Variants in PCDHAC2 observed in about 807,000 individuals in gnomAD.
The protein encoded by PCDHAC2 is protocadherin alpha-C2.
PCDHAC2 carries 24 observed loss-of-function variants against 63.3 expected under a neutral mutation model. That is an observed-to-expected ratio of 0.38 (90% CI 0.27 to 0.53). The LOEUF (loss-of-function observed/expected upper bound fraction) is 0.53, where lower values mean the gene tolerates loss of function less well. Among genes scored for constraint, PCDHAC2 ranks in the 20% least tolerant of loss-of-function variants. The pLI is 0.81. For missense variants in PCDHAC2, 1,181 were observed against 1,275.2 expected (o/e 0.93, Z 1.12); for synonymous variants, 569 against 529.4 (o/e 1.07, Z -1.03).
At chr5:140,972,983 AGATTCTGTGCATTTGT>A (rs1169514447) in intron 1 of PCDHAC2, among the ~76,000 whole-genome samples, 1 of 152,102 alleles carries the variant, frequency 6.6e-6, no homozygotes, top group Admixed American at 6.6e-5. Flanking sequence ...ATCTTAAGGT[AGATTCTGTGCATTTGT>A]GGTCGTGGTG....
At chr5:140,987,544 A>G (rs1316604535) in intron 3 of PCDHAC2, among the ~76,000 whole-genome samples, 1 of 152,180 alleles carries the variant, frequency 6.6e-6, no homozygotes, top group Non-Finnish European at 1.5e-5. Context: ...CCATTACTTA[A>G]CTTTCCTGAT....
intron 3 of PCDHAC2, 162 bp downstream of exon 3, chr5:140,982,725 A>G (rs2096999365): frequency 1.1e-6 from 1 of 902,882 alleles, no homozygotes; most frequent in African/African-American, 1.8e-5. Flanking sequence ...GATTATTTTG[A>G]TTTTATACCT....
chr5:140,981,456 C>G (rs2096933076), intron 2 of PCDHAC2, among the ~76,000 whole-genome samples: 1 of 152,054 alleles, frequency 6.6e-6, no homozygotes, highest in African/African-American at 2.4e-5. Flanking sequence ...TGCCTGTAGT[C>G]CCAGCTACTT....
At position 140,967,090 on chromosome 5, in the gene PCDHAC2, G is replaced by A. The variant is rs1320117719; in HGVS notation, c.324G>A (p.Glu108=). 2 of 1,613,240 alleles carry A rather than the reference G, an allele frequency of 1.2e-6. No homozygotes were observed. The highest frequency in any genetic ancestry group is 2.7e-5 in the African/African-American group (2 of 75,082). ...TCGTCAACGAGCGCATTGATCGGGAGGCGCTGTGTGAGCAGCGGCCTCGCT... is the reference window on the plus strand; with the variant it reads ...TCGTCAACGAGCGCATTGATCGGGAAGCGCTGTGTGAGCAGCGGCCTCGCT... ...ALFVNERIDR[E]ALCEQRPRCL... Residue 108 remains glutamate (E), a synonymous_variant, in exon 1 of 4, where the codon GAG becomes GAA. Coordinates refer to ENST00000289269, the MANE Select transcript of PCDHAC2 (RefSeq NM_018899.6).
At chr5:140,984,030 A>T (rs900763001) in intron 3 of PCDHAC2, among the ~76,000 whole-genome samples, 17 of 152,330 alleles carry the variant, frequency 1.1e-4, no homozygotes, top group African/African-American at 3.6e-4. Context: ...AAGGGGAAAA[A>T]CATAAAATAG....
At position 141,003,207 on chromosome 5, in the gene PCDHAC2, T is replaced by C. The variant is rs141066841; in HGVS notation, c.2714-6420T>C. On this transcript the variant is annotated intron_variant, in intron 3 of 3. Coordinates refer to ENST00000289269, the MANE Select transcript of PCDHAC2 (RefSeq NM_018899.6). Reference sequence around the variant, plus strand: ...CATCAACTCAGGCAGCCAGGGTTAGTTTAGCATGAAAGAGGAAAGCTGGAA... The same window carrying C: ...CATCAACTCAGGCAGCCAGGGTTAGCTTAGCATGAAAGAGGAAAGCTGGAA... Among the ~76,000 whole-genome samples the C allele has an allele frequency of 6.3e-3, 959 of 152,338 alleles. 16 individuals carry two copies. The highest frequency in any genetic ancestry group is 0.021 in the African/African-American group (892 of 41,582).
At chr5:140,975,068 C>T (rs1273763502) in intron 1 of PCDHAC2, among the ~76,000 whole-genome samples, 4 of 152,134 alleles carry the variant, frequency 2.6e-5, no homozygotes, top group African/African-American at 9.7e-5. Flanking sequence ...CGAGCTCATT[C>T]AGATTGTTGG....
In PCDHAC2 at chr5:140,982,560, C is replaced by T. The variant is rs782437404; in HGVS notation, c.2710C>T (p.Pro904Ser). 6.2e-7 allele frequency: 1 copy of T among 1,614,098 alleles called. No homozygotes were observed. Among genetic ancestry groups the T allele is most frequent in the Admixed American group, 1.7e-5 (1 of 60,022 alleles). ...GTGGCCAACAGTATCCAGTGCAACA[C>T]CAGGTAAAGAGCTGGGGTCTCTCCA... ...QQWPTVSSAT[P>S]EPEAGEVSPP... The change falls in exon 3 of 4, where the codon CCA (proline) becomes TCA (serine). Residue 904 changes from proline (P) to serine (S), a missense_variant. Coordinates refer to ENST00000289269, the MANE Select transcript of PCDHAC2 (RefSeq NM_018899.6).
At chr5:140,983,585 A>G (rs561693645) in intron 3 of PCDHAC2, among the ~76,000 whole-genome samples, 18 of 152,338 alleles carry the variant, frequency 1.2e-4, no homozygotes, top group Non-Finnish European at 2.1e-4. Flanking sequence ...TATTACATCT[A>G]TTCTACATAT....
intron 2 of PCDHAC2, among the ~76,000 whole-genome samples, chr5:140,980,525 G>C (rs1554241939): frequency 6.6e-6 from 1 of 152,166 alleles, no homozygotes; most frequent in African/African-American, 2.4e-5. Context: ...AGCTACTAGG[G>C]AGGCTGAGGC....
chr5:140,969,131 A>C lies in PCDHAC2; in HGVS notation c.2365A>C (p.Lys789Gln). The change falls in exon 1 of 4, where the codon AAG becomes CAG. Residue 789 changes from lysine (K) to glutamine (Q), a missense_variant. By Grantham distance (53) the Lys-to-Gln change is moderately conservative. Transcript: ENST00000289269. Reference protein sequence around the residue: ...IEVRGNGSLTKTYCYKACLTA... With the variant: ...IEVRGNGSLTQTYCYKACLTA... The stretch of plus-strand genomic sequence containing the variant: ...AGTTCGAGGGAATGGCTCCCTCACC[A>C]AGACCTACTGCTACAAGGCCTGTCT... 1 of 1,614,138 alleles carries C rather than the reference A, an allele frequency of 6.2e-7. No homozygotes were observed. Among genetic ancestry groups the C allele is most frequent in the African/African-American group, 1.3e-5 (1 of 75,040 alleles).
At chr5:140,970,791 T>A (rs2096434096) in intron 1 of PCDHAC2, among the ~76,000 whole-genome samples, 2 of 152,210 alleles carry the variant, frequency 1.3e-5, no homozygotes, top group South Asian at 2.1e-4. Flanking sequence ...GTATGTAATA[T>A]CCATATTGTT....
chr5:140,979,882 A>C (rs1554241172), intron 2 of PCDHAC2, among the ~76,000 whole-genome samples: 1 of 152,274 alleles, frequency 6.6e-6, no homozygotes, highest in Non-Finnish European at 1.5e-5. Context: ...TATCAAGTGA[A>C]TATTCACCAA....
chr5:140,988,445 A>G (rs1554250148), intron 3 of PCDHAC2, among the ~76,000 whole-genome samples: 2 of 152,168 alleles, frequency 1.3e-5, no homozygotes, highest in African/African-American at 2.4e-5. Context: ...ATTGACCTGA[A>G]GGGAGGAAGC....
At chr5:141,005,594 C>T (rs534928198) in intron 3 of PCDHAC2, among the ~76,000 whole-genome samples, 10 of 147,680 alleles carry the variant, frequency 6.8e-5, no homozygotes, top group African/African-American at 1.8e-4. Flanking sequence ...CCCAGCTACA[C>T]AGGAGGCTGA....
intron 3 of PCDHAC2, among the ~76,000 whole-genome samples, chr5:140,989,715 G>A (rs2097356088): frequency 6.6e-6 from 1 of 152,166 alleles, no homozygotes; most frequent in Non-Finnish European, 1.5e-5. Flanking sequence ...GAGGCAGTCA[G>A]CTTTGCAGTT....
Position 141,010,554 on chromosome 5 carries a change from C to G in PCDHAC2, c.*617C>G. On this transcript the variant is annotated 3_prime_UTR_variant, in exon 4 of 4. Transcript: ENST00000289269. ...CACCCTCTAGGAGACAAAACTACCC[C>G]CACTGACAAGGCTTTAGGAGACCCT... The G allele has an allele frequency of 3.1e-6, 1 of 322,198 alleles. No individual in the cohort carries two copies. The highest frequency in any genetic ancestry group is 9.3e-4 in the Middle Eastern group (1 of 1,074). 20.0% of individuals were successfully genotyped at this position (322,198 alleles called of 1,614,324 possible).
In PCDHAC2 at chr5:140,969,317, G is replaced by T. The variant is rs1554231675; in HGVS notation, c.2551G>T (p.Val851Phe). 3 of 1,614,156 alleles carry T rather than the reference G, an allele frequency of 1.9e-6. No homozygotes were observed. The East Asian group carries it at 6.7e-5, about 36-fold the overall frequency. ...GNLIILKNEA[V>F]SQNEPRQPNP... ...CCTGATTATTCTCAAAAATGAGGCT[G>T]TTTCTCAAAATGAGGTGAGACAGTG... is the stretch of plus-strand genomic sequence containing the variant. The change falls in exon 1 of 4, where the codon GTT becomes TTT. Residue 851 changes from valine to phenylalanine, a missense_variant. Around this residue, in one of 3 missense-constraint regions of PCDHAC2, gnomAD observed 968 missense variants for 1,073.5 expected, o/e 0.90. Transcript: ENST00000289269.
chr5:141,004,591 A>G (rs1277305361), intron 3 of PCDHAC2, among the ~76,000 whole-genome samples: 3 of 152,222 alleles, frequency 2.0e-5, no homozygotes, highest in Non-Finnish European at 2.9e-5. Context: ...TCTCCAGATG[A>G]CAGTGCTTAG....
Sources: gnomAD v4.1 joint callset for allele counts (sites outside exome capture counted in the v4.1 genomes callset) on GRCh38, gnomAD v4.1.1 for gene constraint, gnomAD v4.1.1 regional missense constraint, MANE v1.5 for transcripts, NCBI Gene and HGNC (gene_info 2026-07-23, HGNC 2026-07-21) for gene names.